SV2C: variants seen among roughly 807,000 people sequenced by gnomAD.
The protein encoded by SV2C is solute carrier family 22 member B3.
In SV2C, 49 loss-of-function variants were observed where a neutral mutation model predicts 79.7. The observed-to-expected ratio is 0.61, with a 90% CI of 0.49 to 0.78. SV2C has a LOEUF of 0.78. SV2C is among the 30% of genes least tolerant of loss of function. The probability of loss-of-function intolerance (pLI) is 0.00; values close to 1 mark genes in which losing one functional copy is unlikely to be tolerated. For missense variants in SV2C, 833 were observed against 912.9 expected, an observed-to-expected ratio of 0.91 and a Z score of 1.13; for synonymous variants, 334 against 333.2, an observed-to-expected ratio of 1.00 and a Z score of -0.03.
chr5:75,937,879 C>T, the SV2C span, among the ~76,000 whole-genome samples: 3 of 149,938 alleles, frequency 2.0e-5, no homozygotes, highest in Admixed American at 6.6e-5. Flanking sequence ...AGCATTATCT[C>T]TTTTTTTTTG....
At chr5:76,075,686 TA>T in the SV2C span, 1 of 352,756 alleles carries the variant, frequency 2.8e-6, no homozygotes, top group Non-Finnish European at 5.9e-6. Context: ...ACTAGATTAG[TA>T]AAAGAAGTCT....
chr5:76,344,607 G>A (rs1749504485), intron 12 of SV2C, among the ~76,000 whole-genome samples: 1 of 152,142 alleles, frequency 6.6e-6, no homozygotes, highest in Non-Finnish European at 1.5e-5. Context: ...TCCTCGGGAG[G>A]CTGAGGTAGG....
the SV2C span, among the ~76,000 whole-genome samples, chr5:76,057,922 A>T: frequency 6.6e-6 from 1 of 152,248 alleles, no homozygotes; most frequent in South Asian, 2.1e-4. Flanking sequence ...TTATTCAGTA[A>T]TTTCTTTTTC....
chr5:75,953,906 C>G, the SV2C span, among the ~76,000 whole-genome samples: 1 of 151,958 alleles, frequency 6.6e-6, no homozygotes, highest in African/African-American at 2.4e-5. Context: ...TCCTGCACCT[C>G]CAAATGAACT....
intron 2 of SV2C, chr5:76,174,037 T>C: frequency 6.4e-7 from 1 of 1,568,342 alleles, no homozygotes; most frequent in South Asian, 1.1e-5. Flanking sequence ...GCATACACTG[T>C]TGTGCATCTA....
At chr5:76,157,740 TTAACA>T (rs1742776029) in intron 2 of SV2C, among the ~76,000 whole-genome samples, 1 of 151,792 alleles carries the variant, frequency 6.6e-6, no homozygotes, top group African/African-American at 2.4e-5. Context: ...ATAAATAAAG[TTAACA>T]TAACAAAAGA....
intron 3 of SV2C, among the ~76,000 whole-genome samples, chr5:76,207,733 C>CTG (rs1744648387): frequency 6.6e-6 from 1 of 152,158 alleles, no homozygotes; most frequent in African/African-American, 2.4e-5. Flanking sequence ...CTCCTGGATT[C>CTG]AAGTGATCTT....
At chr5:76,211,368 G>C (rs182893764) in intron 4 of SV2C, among the ~76,000 whole-genome samples, 153 of 152,158 alleles carry the variant, frequency 1.0e-3, no homozygotes, top group African/African-American at 3.4e-3. Context: ...GCTCCAAGTT[G>C]CTTCATCTAT....
the SV2C span, among the ~76,000 whole-genome samples, chr5:75,996,004 G>C: frequency 6.6e-6 from 1 of 152,268 alleles, no homozygotes; most frequent in African/African-American, 2.4e-5. Flanking sequence ...ATGAGAGTGA[G>C]GAGTCAGGCA....
chr5:76,145,799 A>T (rs952496360), intron 2 of SV2C, among the ~76,000 whole-genome samples: 4 of 152,194 alleles, frequency 2.6e-5, no homozygotes, highest in African/African-American at 7.2e-5. Context: ...TGGTGGTGCC[A>T]TTGTCAAGAT....
chr5:76,294,689 G>A (rs1747683616), intron 8 of SV2C, among the ~76,000 whole-genome samples: 1 of 152,080 alleles, frequency 6.6e-6, no homozygotes, highest in Non-Finnish European at 1.5e-5. Flanking sequence ...TATATTTATA[G>A]TATATCTCAG....
chr5:76,059,926 G>A, the SV2C span, among the ~76,000 whole-genome samples: 5 of 152,088 alleles, frequency 3.3e-5, no homozygotes, highest in South Asian at 2.1e-4. Flanking sequence ...GTTGTGTGCA[G>A]GCAAGAAAAC....
intron 2 of SV2C, among the ~76,000 whole-genome samples, chr5:76,168,037 G>A (rs1580322504): frequency 6.6e-6 from 1 of 152,054 alleles, no homozygotes; most frequent in South Asian, 2.1e-4. Flanking sequence ...TCCTGGTTAG[G>A]ACATCTTGGT....
chr5:76,277,197 G>T (rs370466256), intron 4 of SV2C, among the ~76,000 whole-genome samples: 1 of 152,196 alleles, frequency 6.6e-6, no homozygotes, highest in East Asian at 1.9e-4. Flanking sequence ...TTGGCAGTCT[G>T]CTGTAAAGCT....
At chr5:75,959,043 A>G in the SV2C span, among the ~76,000 whole-genome samples, 15 of 151,834 alleles carry the variant, frequency 9.9e-5, no homozygotes, top group African/African-American at 3.4e-4. Flanking sequence ...TCCCTTATTA[A>G]CATCATTTGA....
chr5:75,953,440 T>A, the SV2C span, among the ~76,000 whole-genome samples: 1 of 152,040 alleles, frequency 6.6e-6, no homozygotes, highest in Non-Finnish European at 1.5e-5. Flanking sequence ...ATAAAACCTG[T>A]TTCTTTCATG....
chr5:75,900,790 A>G, the SV2C span, among the ~76,000 whole-genome samples: 3 of 151,980 alleles, frequency 2.0e-5, no homozygotes, highest in Non-Finnish European at 2.9e-5. Context: ...ATTTCTTTTT[A>G]TTCTTTTTTC....
At chr5:76,290,587 G>A (rs943391059) in intron 6 of SV2C, among the ~76,000 whole-genome samples, 12 of 152,170 alleles carry the variant, frequency 7.9e-5, no homozygotes, top group African/African-American at 2.7e-4. Flanking sequence ...CATAGATGCT[G>A]CTTTTCATGC....
the SV2C span, among the ~76,000 whole-genome samples, chr5:76,041,176 A>T: frequency 6.6e-6 from 1 of 152,194 alleles, no homozygotes; most frequent in East Asian, 1.9e-4. Context: ...CAACTATTTT[A>T]AAATTATAAA....
Sources: gnomAD v4.1 joint callset for allele counts (sites outside exome capture counted in the v4.1 genomes callset) on GRCh38, gnomAD v4.1.1 for gene constraint, MANE v1.5 for transcripts, NCBI Gene and HGNC (gene_info 2026-07-23, HGNC 2026-07-21) for gene names.